RBM5: variants seen among roughly 807,000 people sequenced by gnomAD.
RBM5 encodes RNA binding motif protein 5.
In RBM5, 15 loss-of-function variants were observed where a neutral mutation model predicts 124.6. That is an observed-to-expected ratio of 0.12 (90% CI 0.08 to 0.19). RBM5 has a LOEUF of 0.19. Ranked by LOEUF, RBM5 falls within the 10% of genes least tolerant of loss-of-function variation. RBM5 has a pLI of 1.00. For missense variants in RBM5, 580 were observed against 1,026.5 expected, an observed-to-expected ratio of 0.57 and a Z score of 5.94; for synonymous variants, 337 against 361.2, an observed-to-expected ratio of 0.93 and a Z score of 0.76.
chr3:50,113,219 A>G, intron 17 of RBM5, 164 bp from the exon 18 acceptor site: 1 of 581,562 alleles, frequency 1.7e-6, no homozygotes, highest in Non-Finnish European at 3.0e-6. Context: ...CCTCTTTGCT[A>G]GGTGGTTCAT....
chr3:50,109,792 AC>A (rs1417826618), intron 15 of RBM5, 104 bp downstream of exon 15: 38 of 774,874 alleles, frequency 4.9e-5, no homozygotes, highest in Admixed American at 1.6e-4. Flanking sequence ...ATTGAGTAAT[AC>A]ACACTTCAAC....
In RBM5 at chr3:50,118,825, C is replaced by CT. The variant is rs1276361876; in HGVS notation, c.*370dup. ...GTGGTATGTGACACCAAAGCCACCT[C>CT]TGTCATTTGTTGTGATGTCTTTTCT... On this transcript the variant is annotated 3_prime_UTR_variant, in exon 25 of 25. Transcript: ENST00000347869. 5.1e-6 allele frequency: 1 copy of CT among 195,142 alleles called. No individual in the cohort carries two copies. Among genetic ancestry groups the CT allele is most frequent in the African/African-American group, 2.3e-5 (1 of 43,332 alleles). The allele number at this position is 195,142 out of a possible 1,614,324, so 12.1% of individuals were successfully genotyped here.
At chr3:50,095,151 A>G (rs1273909469) in intron 4 of RBM5, among the ~76,000 whole-genome samples, 1 of 152,184 alleles carries the variant, frequency 6.6e-6, no homozygotes, top group African/African-American at 2.4e-5. Context: ...CAATGAGCCA[A>G]GATCACGCCA....
chr3:50,104,944 G>A (rs2091001933), intron 8 of RBM5, 133 bp from the exon 9 acceptor site: 1 of 670,468 alleles, frequency 1.5e-6, no homozygotes, highest in African/African-American at 1.8e-5. Flanking sequence ...TTTTACTATA[G>A]GCACAAATGC....
intron 17 of RBM5, among the ~76,000 whole-genome samples, chr3:50,112,414 T>TAAAAAAAA (rs58011975): frequency 7.9e-5 from 7 of 88,240 alleles, no homozygotes; most frequent in African/African-American, 3.4e-4. Flanking sequence ...AGACTCTGTC[T>TAAAAAAAA]AAAAAAAAAA....
chr3:50,104,927 A>T (rs560254390), intron 8 of RBM5, 150 bp from the exon 9 acceptor site: 2 of 587,974 alleles, frequency 3.4e-6, no homozygotes, highest in South Asian at 2.6e-5. Context: ...AGTCACAATT[A>T]ATGAGGTTTT....
intron 1 of RBM5, 198 bp from the exon 2 acceptor site, chr3:50,090,184 G>T: frequency 2.5e-6 from 1 of 404,096 alleles, no homozygotes; most frequent in South Asian, 3.0e-5. Flanking sequence ...TTAATCTTCC[G>T]GTTTTGCTCA....
Position 50,118,767 on chromosome 3 carries a change from C to T in RBM5, c.*311C>T, listed in dbSNP as rs1343501799. On this transcript the variant is annotated 3_prime_UTR_variant, in exon 25 of 25. Coordinates refer to ENST00000347869, the MANE Select transcript of RBM5 (RefSeq NM_005778.4). Reference sequence around the variant, plus strand: ...GTAGCCTATGTTGTGGTCCATCAGCCCCTCACATTCCTAGGGGTTTGAGAT... The same window carrying T: ...GTAGCCTATGTTGTGGTCCATCAGCTCCTCACATTCCTAGGGGTTTGAGAT... 1 of 291,068 alleles carries T rather than the reference C, an allele frequency of 3.4e-6. No individual in the cohort carries two copies. The highest frequency in any genetic ancestry group is 2.1e-5 in the African/African-American group (1 of 46,858). 18.0% of individuals were successfully genotyped at this position (291,068 alleles called of 1,614,324 possible).
At position 50,103,080 on chromosome 3, in the gene RBM5, C is replaced by A; in HGVS notation, c.484-3C>A. Reference sequence around the variant, plus strand: ...GAATAACTAATTACTTCTTTTCTTACAGAAAAAGTTGGTGATTCAAGGAAA... The same window carrying A: ...GAATAACTAATTACTTCTTTTCTTAAAGAAAAAGTTGGTGATTCAAGGAAA... On this transcript the variant is annotated splice_region_variant and splice_polypyrimidine_tract_variant and intron_variant, in intron 6 of 24. Transcript: ENST00000347869. 1 of 1,594,642 alleles carries A rather than the reference C, an allele frequency of 6.3e-7. No homozygotes were observed. Among genetic ancestry groups the A allele is most frequent in the Non-Finnish European group, 8.6e-7 (1 of 1,162,530 alleles).
In RBM5 at chr3:50,100,199, C is replaced by A; in HGVS notation, c.409+148C>A. The A allele has an allele frequency of 1.3e-6, 1 of 760,202 alleles. No individual in the cohort carries two copies. The highest frequency in any genetic ancestry group is 2.1e-6 in the Non-Finnish European group (1 of 482,698). The allele number at this position is 760,202 out of a possible 1,614,324, so 47.1% of individuals were successfully genotyped here. A position where few individuals can be genotyped will look rare whatever the true frequency, so the allele number is the denominator to read the frequency against. On this transcript the variant is annotated intron_variant, in intron 5 of 24. Coordinates refer to ENST00000347869, the MANE Select transcript of RBM5 (RefSeq NM_005778.4). This position sits in a 1 kb window ranked among gnomAD's most constrained non-coding sequence, Gnocchi z 5.1. Reference sequence around the variant, plus strand: ...GCTAAGGAATGTGACTCTTTGAAAACCATGTTAGCATCTGAGGAACTTTTT... The same window carrying A: ...GCTAAGGAATGTGACTCTTTGAAAAACATGTTAGCATCTGAGGAACTTTTT...
intron 10 of RBM5, among the ~76,000 whole-genome samples, chr3:50,106,041 C>T (rs1201826321): frequency 6.6e-6 from 1 of 151,090 alleles, no homozygotes; most frequent in African/African-American, 2.4e-5. Context: ...CAACCTCTGC[C>T]TCCAGGGTTC....
At chr3:50,106,127 T>TTTATTTTTTTA (rs2091025166) in intron 10 of RBM5, among the ~76,000 whole-genome samples, 1 of 100,666 alleles carries the variant, frequency 9.9e-6, no homozygotes, top group African/African-American at 4.6e-5. Context: ...TATTTTTTTT[T>TTTATTTTTTTA]TTTTTTTTTT....
Position 50,113,928 on chromosome 3 carries a change from G to T in RBM5, c.1618-22G>T, listed in dbSNP as rs1208727982. Reference sequence around the variant, plus strand: ...ACAGGGGATTAAATATTTTTTTGTTGGTGTTTGTTGTTTGACATTAGATTG... The same window carrying T: ...ACAGGGGATTAAATATTTTTTTGTTTGTGTTTGTTGTTTGACATTAGATTG... On this transcript the variant is annotated intron_variant, in intron 18 of 24. Coordinates refer to ENST00000347869, the MANE Select transcript of RBM5 (RefSeq NM_005778.4). 19 of 1,600,354 alleles carry T rather than the reference G, an allele frequency of 1.2e-5. No individual in the cohort carries two copies. The Admixed American group carries it at 1.2e-4, about 10-fold the overall frequency.
rs760224416 is a variant in RBM5 at position 50,108,260 on chromosome 3, A to C, written c.1148A>C (p.Gln383Pro). 1 of 1,613,612 alleles carries C rather than the reference A, an allele frequency of 6.2e-7. No homozygotes were observed. Among genetic ancestry groups the C allele is most frequent in the Non-Finnish European group, 8.5e-7 (1 of 1,179,476 alleles). The change falls in exon 14 of 25, where the codon CAA (glutamine) becomes CCA (proline). Residue 383 changes from glutamine (Q) to proline (P), a missense_variant. This residue lies in a region of RBM5 where 104 missense variants were observed against 128.7 expected (regional missense o/e 0.81). Coordinates refer to ENST00000347869, the MANE Select transcript of RBM5 (RefSeq NM_005778.4). ...QYSQDYQQFYQQQAGGLESDA... is the reference protein window; with the variant it reads ...QYSQDYQQFYPQQAGGLESDA... ...TCACAGGATTATCAGCAGTTTTATC[A>C]ACAACAAGCTGGAGGATTGGAATCT...
chr3:50,118,652 T>A lies in RBM5; in HGVS notation c.*196T>A. On this transcript the variant is annotated 3_prime_UTR_variant, in exon 25 of 25. Coordinates refer to ENST00000347869, the MANE Select transcript of RBM5 (RefSeq NM_005778.4). Reference sequence around the variant, plus strand: ...TGGGTTGCCTGGTGAATGGCCTTCCTTCCCGCCAGAGGGCTTGTGAACAGA... The same window carrying A: ...TGGGTTGCCTGGTGAATGGCCTTCCATCCCGCCAGAGGGCTTGTGAACAGA... 2.5e-6 allele frequency: 2 copies of A among 787,494 alleles called. No individual in the cohort carries two copies. Among genetic ancestry groups the A allele is most frequent in the Admixed American group, 5.3e-5 (2 of 37,614 alleles). The allele number at this position is 787,494 out of a possible 1,614,324, so 48.8% of individuals were successfully genotyped here.
In RBM5 at chr3:50,100,459, G is replaced by A. The variant is rs2108997660; in HGVS notation, c.410-73G>A. On this transcript the variant is annotated intron_variant, in intron 5 of 24. Coordinates refer to ENST00000347869, the MANE Select transcript of RBM5 (RefSeq NM_005778.4). This position sits in a 1 kb window ranked among gnomAD's most constrained non-coding sequence, Gnocchi z 5.1. Reference sequence around the variant, plus strand: ...TTTGTCACGCAGTGTTGAAGCAGTGGGAGAGAGATTCACCTGTTATAAAGG... The same window carrying A: ...TTTGTCACGCAGTGTTGAAGCAGTGAGAGAGAGATTCACCTGTTATAAAGG... The A allele has an allele frequency of 7.8e-7, 1 of 1,286,280 alleles. No individual in the cohort carries two copies. The highest frequency in any genetic ancestry group is 1.1e-6 in the Non-Finnish European group (1 of 889,728). The allele number at this position is 1,286,280 out of a possible 1,614,324, so 79.7% of individuals were successfully genotyped here.
intron 8 of RBM5, 149 bp from the exon 9 acceptor site, chr3:50,104,928 A>G (rs1575319957): frequency 1.2e-5 from 7 of 591,102 alleles, no homozygotes; most frequent in Non-Finnish European, 2.1e-5. Context: ...GTCACAATTA[A>G]TGAGGTTTTA....
intron 14 of RBM5, among the ~76,000 whole-genome samples, 191 bp downstream of exon 14, chr3:50,108,495 T>C (rs2091081061): frequency 6.6e-6 from 1 of 151,984 alleles, no homozygotes; most frequent in South Asian, 2.1e-4. Context: ...GATCACGAGG[T>C]CAGGAGTTCA....
intron 22 of RBM5, chr3:50,116,740 G>A: frequency 2.9e-6 from 1 of 344,568 alleles, no homozygotes. Context: ...AAATGCTGAG[G>A]AGAACGGGCA....
Sources: allele counts gnomAD v4.1 joint callset (sites outside exome capture counted in the v4.1 genomes callset), GRCh38; gene constraint gnomAD v4.1.1; regional missense constraint gnomAD v4.1.1; non-coding constraint Gnocchi (gnomAD v3.1); transcripts MANE v1.5; gene names NCBI Gene and HGNC (gene_info 2026-07-23, HGNC 2026-07-21).